The following ANGEL1 variants were observed in gnomAD, a reference collection of about 807,000 sequenced individuals.
ANGEL1 encodes the protein angel homolog 1, also known as RNA 2',3'-cyclic phosphatase ANGEL1.
A neutral mutation model predicts 76.4 loss-of-function variants in ANGEL1; 62 were observed. The observed-to-expected ratio is 0.81, with a 90% CI of 0.66 to 1.00. ANGEL1 has a LOEUF of 1.00. ANGEL1 is among the 50% of genes least tolerant of loss of function. ANGEL1 has a pLI of 0.00. For missense variants in ANGEL1, 737 were observed against 836.7 expected (o/e 0.88, Z 1.47); for synonymous variants, 340 against 331.7 (o/e 1.03, Z -0.27).
intron 5 of ANGEL1, 40 bp downstream of exon 5, chr14:76,806,376 G>T: frequency 1.3e-6 from 2 of 1,580,206 alleles, no homozygotes; most frequent in South Asian, 2.4e-5. Flanking sequence ...ATCTCTCTTA[G>T]ACCATGTTCC....
rs1364250397 is a variant in ANGEL1 at position 76,809,625 on chromosome 14, C to T, written c.83G>A (p.Arg28Gln). 2.5e-6 allele frequency: 4 copies of T among 1,613,000 alleles called. No individual in the cohort carries two copies. The highest frequency in any genetic ancestry group is 2.5e-6 in the Non-Finnish European group (3 of 1,179,420). ...GCTGTTCGCCAGAAGGACATTTTTT[C>T]GACATGTGAAGAAAGCATCTAGGAG... Reference protein sequence around the residue: ...RALSDAFFTCRKNVLLANSSS... With the variant: ...RALSDAFFTCQKNVLLANSSS... Residue 28 changes from arginine (R) to glutamine (Q), a missense_variant, in exon 2 of 10, where the codon CGA becomes CAA. Physicochemically the swap from Arg to Gln is conservative, Grantham distance 43. Coordinates refer to ENST00000251089, the MANE Select transcript of ANGEL1 (RefSeq NM_015305.4).
intron 2 of ANGEL1, among the ~76,000 whole-genome samples, chr14:76,808,793 G>GT (rs1894998091): frequency 6.6e-6 from 1 of 152,166 alleles, no homozygotes; most frequent in Non-Finnish European, 1.5e-5. Flanking sequence ...CAGAACTAGA[G>GT]TATGCTTTCA....
At chr14:76,793,458 A>G (rs184632463) in intron 7 of ANGEL1, among the ~76,000 whole-genome samples, 38 of 112,678 alleles carry the variant, frequency 3.4e-4, no homozygotes, top group South Asian at 7.5e-4. Flanking sequence ...AGAAGGAAGA[A>G]GAGGGAGGAA....
Position 76,806,748 on chromosome 14 carries a change from C to A in ANGEL1, c.1048G>T (p.Glu350Ter). 6.2e-7 allele frequency: 1 copy of A among 1,614,138 alleles called. No homozygotes were observed. Among genetic ancestry groups the A allele is most frequent in the Non-Finnish European group, 8.5e-7 (1 of 1,180,044 alleles). Residue 350 changes from glutamate (E) to a stop codon, truncating the protein, a stop_gained, in exon 5 of 10, where the codon GAG (glutamate) becomes TAG (stop). Transcript: ENST00000251089. LOFTEE classifies it high-confidence loss of function. ...AGCTCCAAGCCAGGCCGGAAGTACTCCACAGGGCTAGCACAGAGCAGGCGG... is the reference window on the plus strand; with the variant it reads ...AGCTCCAAGCCAGGCCGGAAGTACTACACAGGGCTAGCACAGAGCAGGCGG... ...RFRLLCASPV[E>*]YFRPGLELLN...
At chr14:76,804,072 G>A in intron 5 of ANGEL1, 160 bp from the exon 6 acceptor site, 1 of 1,497,530 alleles carries the variant, frequency 6.7e-7, no homozygotes, top group Non-Finnish European at 8.9e-7. Flanking sequence ...TTAAAAATAA[G>A]GACCAAATTA....
chr14:76,796,973 C>T (rs2140215399), intron 7 of ANGEL1, among the ~76,000 whole-genome samples: 1 of 152,316 alleles, frequency 6.6e-6, no homozygotes, highest in South Asian at 2.1e-4. Context: ...GGATCTTAAA[C>T]ATGATTTCCC....
chr14:76,803,752 GAC>G, intron 6 of ANGEL1, 32 bp downstream of exon 6: 1 of 1,576,430 alleles, frequency 6.3e-7, no homozygotes, highest in South Asian at 1.2e-5. Context: ...TGGGCATGAA[GAC>G]ACAGCCAACC....
intron 7 of ANGEL1, among the ~76,000 whole-genome samples, chr14:76,794,779 TC>T (rs1894528134): frequency 6.6e-6 from 1 of 152,108 alleles, no homozygotes; most frequent in Admixed American, 6.6e-5. Flanking sequence ...TGTATTTTTT[TC>T]ATTATATCTT....
chr14:76,801,284 G>T (rs533852038), intron 7 of ANGEL1, among the ~76,000 whole-genome samples: 5 of 151,702 alleles, frequency 3.3e-5, no homozygotes, highest in East Asian at 1.9e-4. Context: ...CTAATTTTTT[G>T]ATTTTTTTGT....
intron 5 of ANGEL1, among the ~76,000 whole-genome samples, chr14:76,805,110 T>C (rs1418382007): frequency 6.6e-6 from 1 of 152,222 alleles, no homozygotes; most frequent in African/African-American, 2.4e-5. Context: ...TACCGGTTAC[T>C]GACTTTGAGC....
At chr14:76,810,067 C>T (rs1895038349) in intron 1 of ANGEL1, 1 of 389,956 alleles carries the variant, frequency 2.6e-6, no homozygotes, top group African/African-American at 2.1e-5. Context: ...TATGATCTAG[C>T]ACCAAAATTA....
intron 7 of ANGEL1, among the ~76,000 whole-genome samples, chr14:76,793,557 G>GTTTTTT (rs113463837): frequency 7.6e-6 from 1 of 131,868 alleles, no homozygotes. Flanking sequence ...GGTTTTTTTG[G>GTTTTTT]TTTTTTTTTT....
chr14:76,796,188 G>A (rs545315533), intron 7 of ANGEL1, among the ~76,000 whole-genome samples: 71 of 150,580 alleles, frequency 4.7e-4, no homozygotes, highest in Admixed American at 1.9e-3. Context: ...CACAATTTCC[G>A]TTTAAATTTT....
At position 76,789,168 on chromosome 14, in the gene ANGEL1, C is replaced by T; in HGVS notation, c.*60G>A. The T allele has an allele frequency of 6.3e-7, 1 of 1,575,356 alleles. No homozygotes were observed. Among genetic ancestry groups the T allele is most frequent in the South Asian group, 1.2e-5 (1 of 86,146 alleles). ...AGTTTCTAGATGCATGGGATTTTTCCACAGTCTCTGATCCAGTGAGCTCTT... is the reference window on the plus strand; with the variant it reads ...AGTTTCTAGATGCATGGGATTTTTCTACAGTCTCTGATCCAGTGAGCTCTT... On this transcript the variant is annotated 3_prime_UTR_variant, in exon 10 of 10. Transcript: ENST00000251089.
At chr14:76,811,077 G>A (rs1040705158) in intron 1 of ANGEL1, among the ~76,000 whole-genome samples, 1 of 152,116 alleles carries the variant, frequency 6.6e-6, no homozygotes, top group African/African-American at 2.4e-5. Context: ...TTTTGCCCTC[G>A]GAAGACATTT....
intron 1 of ANGEL1, among the ~76,000 whole-genome samples, chr14:76,811,666 A>T (rs1895090144): frequency 6.6e-6 from 1 of 152,174 alleles, no homozygotes; most frequent in Non-Finnish European, 1.5e-5. Flanking sequence ...TTCTCTGGAA[A>T]CAATTACTTC....
At chr14:76,794,268 T>G (rs1331782737) in intron 7 of ANGEL1, among the ~76,000 whole-genome samples, 1 of 152,040 alleles carries the variant, frequency 6.6e-6, no homozygotes, top group Non-Finnish European at 1.5e-5. Flanking sequence ...TTAAAATGGG[T>G]GGATTTTATG....
intron 8 of ANGEL1, 152 bp from the exon 9 acceptor site, chr14:76,790,926 C>T: frequency 8.8e-7 from 1 of 1,135,254 alleles, no homozygotes; most frequent in African/African-American, 1.6e-5. Context: ...AAGGGGCTGG[C>T]AGTCTTAGCT....
At chr14:76,812,577 G>C in intron 1 of ANGEL1, 187 bp downstream of exon 1, 5 of 1,267,302 alleles carry the variant, frequency 3.9e-6, no homozygotes, top group East Asian at 3.2e-5. Context: ...CGTCGGCCAG[G>C]TCCAGGCCTC....
Sources: allele counts gnomAD v4.1 joint callset (sites outside exome capture counted in the v4.1 genomes callset), GRCh38; gene constraint gnomAD v4.1.1; transcripts MANE v1.5; gene names NCBI Gene and HGNC (gene_info 2026-07-23, HGNC 2026-07-21).